IMPG1: variants seen among roughly 807,000 people sequenced by gnomAD.
IMPG1 encodes interphotoreceptor matrix proteoglycan 1.
IMPG1 carries 85 observed loss-of-function variants against 92.0 expected under a neutral mutation model. That is an observed-to-expected ratio of 0.92 (90% confidence interval 0.78 to 1.11). The LOEUF (loss-of-function observed/expected upper bound fraction) is 1.11. Among genes scored for constraint, IMPG1 ranks in the 50% least tolerant of loss-of-function variants. The pLI, the probability that IMPG1 is intolerant of heterozygous loss-of-function variation, is 0.00. For synonymous variants in IMPG1, 367 were observed against 334.1 expected (o/e 1.10, Z -1.08); for missense variants, 1,022 against 956.0 (o/e 1.07, Z -0.91).
intron 5 of IMPG1, among the ~76,000 whole-genome samples, chr6:76,023,716 A>G (rs145101638): frequency 2.0e-4 from 31 of 152,288 alleles, no homozygotes; most frequent in African/African-American, 6.3e-4. Context: ...ATATTATAAT[A>G]TATGAATTGT....
chr6:76,062,454 G>A (rs758970130), intron 1 of IMPG1, among the ~76,000 whole-genome samples: 28 of 152,156 alleles, frequency 1.8e-4, no homozygotes, highest in Non-Finnish European at 2.9e-4. Flanking sequence ...TATAAAATTT[G>A]TGTGTGGTAG....
At chr6:75,935,131 TC>T (rs1282486604) in intron 14 of IMPG1, 24 of 427,762 alleles carry the variant, frequency 5.6e-5, no homozygotes, top group African/African-American at 4.5e-4. Flanking sequence ...AGAGTAGACT[TC>T]GGGAATGACA....
Position 76,072,453 on chromosome 6 carries a change from A to G in IMPG1, c.36T>C (p.Phe12=), listed in dbSNP as rs1420767329. The G allele has an allele frequency of 3.8e-6, 6 of 1,599,368 alleles. No homozygotes were observed. The highest frequency in any genetic ancestry group is 2.3e-5 in the East Asian group (1 of 44,354). Residue 12 remains phenylalanine (F), a synonymous_variant, in exon 1 of 17, where the codon TTT becomes TTC. Coordinates refer to ENST00000369950, the MANE Select transcript of IMPG1 (RefSeq NM_001563.4). The part of the protein sequence containing the change: ...YLETRRAIFV[F]WIFLQVQGTK... ...TTCCTTGAACTTGGAGAAAAATCCAAAAAACAAAAATAGCTCTTCTAGTTT... is the reference window on the plus strand; with the variant it reads ...TTCCTTGAACTTGGAGAAAAATCCAGAAAACAAAAATAGCTCTTCTAGTTT...
chr6:76,060,568 G>T, intron 1 of IMPG1, among the ~76,000 whole-genome samples: 1 of 152,196 alleles, frequency 6.6e-6, no homozygotes, highest in Non-Finnish European at 1.5e-5. Context: ...TGGTGCTCTT[G>T]TTTTGTGAGG....
In IMPG1 at chr6:76,007,463, C is replaced by A; in HGVS notation, c.887+17G>T. The A allele has an allele frequency of 6.3e-7, 1 of 1,585,332 alleles. No homozygotes were observed. Among genetic ancestry groups the A allele is most frequent in the Non-Finnish European group, 8.6e-7 (1 of 1,158,914 alleles). The stretch of plus-strand genomic sequence containing the variant: ...GACGGGAATGTACTATATTTCAAAA[C>A]TTAAAGTCCAAATTACCCATCTTTT... On this transcript the variant is annotated intron_variant, in intron 9 of 16. Transcript: ENST00000369950.
At chr6:76,041,748 T>C in intron 2 of IMPG1, 145 bp downstream of exon 2, 1 of 628,716 alleles carries the variant, frequency 1.6e-6, no homozygotes, top group Non-Finnish European at 2.9e-6. Context: ...TATTCATTAC[T>C]ATCAGATTAT....
At chr6:76,040,078 C>A (rs1303062774) in intron 2 of IMPG1, among the ~76,000 whole-genome samples, 1 of 152,040 alleles carries the variant, frequency 6.6e-6, no homozygotes, top group Admixed American at 6.6e-5. Flanking sequence ...CTTTGTGAAC[C>A]AATTTGTTCG....
At chr6:76,063,701 A>G (rs1475383039) in intron 1 of IMPG1, among the ~76,000 whole-genome samples, 3 of 152,202 alleles carry the variant, frequency 2.0e-5, no homozygotes, top group Non-Finnish European at 4.4e-5. Flanking sequence ...GTGTTTCCAC[A>G]TTGCCAATTC....
chr6:76,009,995 C>T (rs1463178743), intron 8 of IMPG1, among the ~76,000 whole-genome samples: 1 of 152,196 alleles, frequency 6.6e-6, no homozygotes, highest in Non-Finnish European at 1.5e-5. Flanking sequence ...TCTGATTTCA[C>T]AGAAAATACT....
Position 76,011,431 on chromosome 6 carries a change from T to C in IMPG1, c.808-207A>G, listed in dbSNP as rs1286565910. The stretch of plus-strand genomic sequence containing the variant: ...AGGAGGCCAAACTCTTTGTTCCTAG[T>C]GATTTCCAAAACCCAGAGGAAAGTG... On this transcript the variant is annotated intron_variant, in intron 7 of 16. Transcript: ENST00000369950. Among the ~76,000 whole-genome samples, 3 of 152,142 alleles carry C rather than the reference T, an allele frequency of 2.0e-5. No homozygotes were observed. In the East Asian group the frequency reaches 5.8e-4, roughly 29 times the overall value.
intron 14 of IMPG1, among the ~76,000 whole-genome samples, chr6:75,934,041 A>G (rs1047425312): frequency 3.3e-5 from 5 of 152,242 alleles, no homozygotes; most frequent in African/African-American, 1.2e-4. Context: ...AGGAGACACC[A>G]CAGGACTCCA....
chr6:75,933,691 A>G (rs943311943), intron 14 of IMPG1, among the ~76,000 whole-genome samples: 2 of 152,212 alleles, frequency 1.3e-5, no homozygotes, highest in Non-Finnish European at 2.9e-5. Context: ...CAGAAGAGAC[A>G]TGTCGTTGCA....
At chr6:75,944,823 T>C (rs1233387401) in intron 14 of IMPG1, among the ~76,000 whole-genome samples, 2 of 152,238 alleles carry the variant, frequency 1.3e-5, no homozygotes, top group South Asian at 4.1e-4. Context: ...TCTTCAAAAG[T>C]ATTTGAGTTG....
At chr6:76,066,358 G>T (rs1021254716) in intron 1 of IMPG1, among the ~76,000 whole-genome samples, 1 of 151,978 alleles carries the variant, frequency 6.6e-6, no homozygotes, top group African/African-American at 2.4e-5. Context: ...TGAAGCTAAA[G>T]GGGTAGAAAA....
At position 76,072,457 on chromosome 6, in the gene IMPG1, A is replaced by G. The variant is rs758016995; in HGVS notation, c.32T>C (p.Val11Ala). Residue 11 changes from valine to alanine, a missense_variant, in exon 1 of 17, where the codon GTT (valine) becomes GCT (alanine). Transcript: ENST00000369950. MYLETRRAIF[V>A]FWIFLQVQGT... is the part of the protein sequence containing the mutation. ...TTGAACTTGGAGAAAAATCCAAAAAACAAAAATAGCTCTTCTAGTTTCCAA... is the reference window on the plus strand; with the variant it reads ...TTGAACTTGGAGAAAAATCCAAAAAGCAAAAATAGCTCTTCTAGTTTCCAA... 19 of 1,598,454 alleles carry G rather than the reference A, an allele frequency of 1.2e-5. No homozygotes were observed. Among genetic ancestry groups the G allele is most frequent in the Admixed American group, 3.4e-5 (2 of 58,538 alleles).
intron 13 of IMPG1, 42 bp from the exon 14 acceptor site, chr6:75,947,575 T>G (rs764618020): frequency 3.4e-5 from 46 of 1,344,998 alleles, no homozygotes; most frequent in Non-Finnish European, 4.5e-5. Flanking sequence ...GTGTTCTAAG[T>G]GCTCAGCTGC....
chr6:76,009,234 C>T (rs1003345506), intron 8 of IMPG1, among the ~76,000 whole-genome samples: 1 of 152,188 alleles, frequency 6.6e-6, no homozygotes, highest in Non-Finnish European at 1.5e-5. Flanking sequence ...TAGTTTTCCA[C>T]CTTTGCTGAG....
chr6:75,993,144 T>C (rs1292011641), intron 12 of IMPG1, among the ~76,000 whole-genome samples: 1 of 152,148 alleles, frequency 6.6e-6, no homozygotes, highest in African/African-American at 2.4e-5. Flanking sequence ...GAAATTCTGG[T>C]GTTGTTAATT....
intron 12 of IMPG1, among the ~76,000 whole-genome samples, chr6:75,994,347 T>A (rs1307302319): frequency 1.3e-5 from 2 of 152,230 alleles, no homozygotes; most frequent in African/African-American, 4.8e-5. Context: ...ATCCCTAGAA[T>A]CATTCCATTT....
Sources: allele counts gnomAD v4.1 joint callset (sites outside exome capture counted in the v4.1 genomes callset), GRCh38; gene constraint gnomAD v4.1.1; transcripts MANE v1.5; gene names NCBI Gene and HGNC (gene_info 2026-07-23, HGNC 2026-07-21).